Variants in SLC9B2 observed in about 807,000 individuals in gnomAD.
The protein encoded by SLC9B2 is sodium/hydrogen exchanger 9B2.
In SLC9B2, 39 loss-of-function variants were observed where a neutral mutation model predicts 52.2. The observed-to-expected ratio is 0.75, with a 90% CI of 0.58 to 0.98. The LOEUF (loss-of-function observed/expected upper bound fraction) is 0.98. Ranked by LOEUF, SLC9B2 falls within the 50% of genes least tolerant of loss-of-function variation. SLC9B2 has a pLI of 0.00. For missense variants in SLC9B2, 626 were observed against 637.5 expected, an observed-to-expected ratio of 0.98 and a Z score of 0.19; for synonymous variants, 214 against 227.0, an observed-to-expected ratio of 0.94 and a Z score of 0.51.
chr4:103,030,731 C>CCA (rs1246087319), intron 10 of SLC9B2, among the ~76,000 whole-genome samples: 2 of 152,048 alleles, frequency 1.3e-5, no homozygotes, highest in South Asian at 4.2e-4. Context: ...ACCATCTTAA[C>CCA]CATTTTTATG....
At chr4:103,018,680 C>A (rs983460311), downstream of SLC9B2, among the ~76,000 whole-genome samples, 4 of 151,990 alleles carry the variant, frequency 2.6e-5, no homozygotes, top group African/African-American at 9.7e-5. Flanking sequence ...AGTGAGGGAC[C>A]TGGTATGGTC....
chr4:103,067,329 G>C (rs1421146298), intron 2 of SLC9B2, 132 bp downstream of exon 2: 1 of 714,428 alleles, frequency 1.4e-6, no homozygotes, highest in Non-Finnish European at 2.4e-6. Flanking sequence ...GGTAGGGTCA[G>C]CTGGCAATGA....
chr4:103,028,123 T>A (rs1742387502), intron 11 of SLC9B2, among the ~76,000 whole-genome samples: 1 of 152,174 alleles, frequency 6.6e-6, no homozygotes, highest in African/African-American at 2.4e-5. Flanking sequence ...TTCAAGCACC[T>A]ATCTATAATA....
chr4:103,067,445 C>T lies in SLC9B2; in HGVS notation c.90+16G>A. Reference sequence around the variant, plus strand: ...GAATATGAAGAAAACACAATTCTATCACAGCTTAGATTTACCTGTGCTTCT... The same window carrying T: ...GAATATGAAGAAAACACAATTCTATTACAGCTTAGATTTACCTGTGCTTCT... On this transcript the variant is annotated intron_variant, in intron 2 of 11. Transcript: ENST00000394785. 6.2e-7 allele frequency: 1 copy of T among 1,606,258 alleles called. No homozygotes were observed. The highest frequency in any genetic ancestry group is 1.1e-5 in the South Asian group (1 of 90,918).
chr4:103,068,979 T>C lies in SLC9B2; in HGVS notation c.-42-1387A>G, dbSNP rs139662206. Among the ~76,000 whole-genome samples, 48 of 152,310 alleles carry C rather than the reference T, an allele frequency of 3.2e-4. No individual in the cohort carries two copies. In the East Asian group the frequency reaches 9.3e-3, roughly 29 times the overall value. On this transcript the variant is annotated intron_variant, in intron 1 of 11. Transcript: ENST00000394785. Reference sequence around the variant, plus strand: ...TTACCACAACCACCCCCATTTTTCCTACTTACAAAACACATGGTAACCAGA... The same window carrying C: ...TTACCACAACCACCCCCATTTTTCCCACTTACAAAACACATGGTAACCAGA...
intron 4 of SLC9B2, among the ~76,000 whole-genome samples, chr4:103,054,107 G>C (rs747087645): frequency 3.7e-4 from 57 of 152,066 alleles, no homozygotes; most frequent in South Asian, 8.3e-4. Flanking sequence ...GTGAGACCCT[G>C]TCTCTGCAAA....
downstream of SLC9B2, among the ~76,000 whole-genome samples, chr4:103,018,546 T>A (rs987141821): frequency 2.0e-5 from 3 of 152,176 alleles, no homozygotes; most frequent in African/African-American, 7.2e-5. Context: ...CACACATAAT[T>A]ATATTTATCT....
At chr4:103,036,169 T>C (rs1044772163) in intron 9 of SLC9B2, among the ~76,000 whole-genome samples, 6 of 152,186 alleles carry the variant, frequency 3.9e-5, no homozygotes, top group Non-Finnish European at 8.8e-5. Context: ...CATGTACATA[T>C]ATACCATGGA....
intron 1 of SLC9B2, among the ~76,000 whole-genome samples, chr4:103,070,425 C>G (rs1356082966): frequency 6.6e-6 from 1 of 152,054 alleles, no homozygotes; most frequent in Non-Finnish European, 1.5e-5. Flanking sequence ...AGCCCATTAA[C>G]CCTTATTTTG....
chr4:103,062,439 T>C (rs892642473), intron 3 of SLC9B2, among the ~76,000 whole-genome samples: 7 of 151,906 alleles, frequency 4.6e-5, no homozygotes, highest in African/African-American at 1.7e-4. Flanking sequence ...AAAGAGAGAT[T>C]TTTCTACTTC....
downstream of SLC9B2, chr4:103,020,054 G>T: frequency 2.5e-6 from 1 of 404,584 alleles, no homozygotes; most frequent in Non-Finnish European, 3.5e-6. Context: ...AAGACGGCCT[G>T]AGCTTAAACT....
chr4:103,035,256 T>C (rs1202640727), intron 9 of SLC9B2, among the ~76,000 whole-genome samples: 1 of 152,200 alleles, frequency 6.6e-6, no homozygotes, highest in Non-Finnish European at 1.5e-5. Flanking sequence ...GTTTCTGTGT[T>C]AGTTTGCTAA....
intron 3 of SLC9B2, among the ~76,000 whole-genome samples, chr4:103,064,299 A>C (rs1578478588): frequency 6.6e-6 from 1 of 152,332 alleles, no homozygotes; most frequent in African/African-American, 2.4e-5. Flanking sequence ...ATACACAATG[A>C]TATGCTTTTC....
chr4:103,047,076 T>G lies in SLC9B2; in HGVS notation c.864A>C (p.Thr288=). ...DDILAITGFN[T]CLGIAFSTGS... is the part of the protein sequence containing the mutation. ...CTGTGGAAAAGGCTATGCCCAAGCA[T>G]GTGTTGAAGCCAGTGATGGCCAGAA... Residue 288 remains threonine, a synonymous_variant, in exon 7 of 12, where the codon ACA becomes ACC. Transcript: ENST00000394785. 6.2e-7 allele frequency: 1 copy of G among 1,614,050 alleles called. No homozygotes were observed. The highest frequency in any genetic ancestry group is 8.5e-7 in the Non-Finnish European group (1 of 1,179,930).
intron 9 of SLC9B2, among the ~76,000 whole-genome samples, chr4:103,034,135 A>C (rs1202867745): frequency 6.6e-6 from 1 of 152,072 alleles, no homozygotes; most frequent in Non-Finnish European, 1.5e-5. Flanking sequence ...AGGTTAGATA[A>C]TCCAGAAACA....
At chr4:103,029,663 G>A (rs966186508) in intron 10 of SLC9B2, among the ~76,000 whole-genome samples, 5 of 152,094 alleles carry the variant, frequency 3.3e-5, no homozygotes, top group Non-Finnish European at 7.4e-5. Flanking sequence ...ACAAGGGATT[G>A]TGAGTAGTGC....
intron 3 of SLC9B2, among the ~76,000 whole-genome samples, chr4:103,060,202 T>C (rs1578473934): frequency 6.6e-6 from 1 of 151,968 alleles, no homozygotes; most frequent in East Asian, 1.9e-4. Flanking sequence ...TCTTTTTCCA[T>C]GTTGCTAACC....
intron 9 of SLC9B2, 90 bp from the exon 10 acceptor site, chr4:103,031,898 C>G: frequency 7.6e-7 from 1 of 1,307,784 alleles, no homozygotes. Flanking sequence ...AATTATTTGG[C>G]CTGAGATAAG....
At position 103,023,667 on chromosome 4, in the gene SLC9B2, C is replaced by T. The variant is rs1741966957; in HGVS notation, c.*2703G>A. 6.6e-6 allele frequency among the ~76,000 whole-genome samples: 1 copy of T among 152,190 alleles called. No homozygotes were observed. Among genetic ancestry groups the T allele is most frequent in the Non-Finnish European group, 1.5e-5 (1 of 68,030 alleles). ...CCAATAGAGGAAGTCAAAAAGCCAGCACTGGGCAGTCACAGAGATTTAGAT... is the reference window on the plus strand; with the variant it reads ...CCAATAGAGGAAGTCAAAAAGCCAGTACTGGGCAGTCACAGAGATTTAGAT... On this transcript the variant is annotated 3_prime_UTR_variant, in exon 12 of 12. Coordinates refer to ENST00000394785, the MANE Select transcript of SLC9B2 (RefSeq NM_178833.7).
Sources: gnomAD v4.1 joint callset for allele counts (sites outside exome capture counted in the v4.1 genomes callset) on GRCh38, gnomAD v4.1.1 for gene constraint, MANE v1.5 for transcripts, NCBI Gene and HGNC (gene_info 2026-07-23, HGNC 2026-07-21) for gene names.